Variants in ABLIM2 observed in about 807,000 individuals in gnomAD.
The protein encoded by ABLIM2 is actin-binding LIM protein 2.
In ABLIM2, 53 loss-of-function variants were observed where a neutral mutation model predicts 97.7. That is an observed-to-expected ratio of 0.54 (90% CI 0.44 to 0.68). The LOEUF (loss-of-function observed/expected upper bound fraction) is 0.68. ABLIM2 is among the 30% of genes least tolerant of loss of function. The pLI is 0.00. For synonymous variants in ABLIM2, 361 were observed against 345.8 expected (o/e 1.04, Z -0.49); for missense variants, 835 against 867.2 (o/e 0.96, Z 0.47).
In ABLIM2 at chr4:8,005,241, T is replaced by A; in HGVS notation, c.1618+2818A>T. 2.0e-6 allele frequency: 1 copy of A among 504,560 alleles called. No homozygotes were observed. 31.3% of individuals were successfully genotyped at this position (504,560 alleles called of 1,614,324 possible). ...CCTCTCTCAGCTCCCTGCACGCTTCTCCAGGTCAGGGGCTGCTCTTGTCTT... is the reference window on the plus strand; with the variant it reads ...CCTCTCTCAGCTCCCTGCACGCTTCACCAGGTCAGGGGCTGCTCTTGTCTT... On this transcript the variant is annotated intron_variant, in intron 16 of 20. Transcript: ENST00000447017. The surrounding 1 kb of genome is among the most constrained non-coding windows in gnomAD (Gnocchi z 4.9).
chr4:8,042,968 T>G (rs1789724300), intron 9 of ABLIM2, among the ~76,000 whole-genome samples: 2 of 150,734 alleles, frequency 1.3e-5, no homozygotes, highest in South Asian at 4.2e-4. Flanking sequence ...CCGGGCAACA[T>G]AAAAAGACCT....
Position 8,069,511 on chromosome 4 carries a change from C to T in ABLIM2, c.675+8117G>A, listed in dbSNP as rs192432289. On this transcript the variant is annotated intron_variant, in intron 6 of 20. Coordinates refer to ENST00000447017, the MANE Select transcript of ABLIM2 (RefSeq NM_001130083.2). This position sits in a 1 kb window ranked among gnomAD's most constrained non-coding sequence, Gnocchi z 4.2. ...AGGACCAGGGGCTCTGATGCGCTGC[C>T]GGCATGAGGCAAGGCAGGAAGGCAG... is the stretch of plus-strand genomic sequence containing the variant. Among the ~76,000 whole-genome samples, 10 of 152,246 alleles carry T rather than the reference C, an allele frequency of 6.6e-5. No homozygotes were observed. The highest frequency in any genetic ancestry group is 1.3e-4 in the Non-Finnish European group (9 of 68,016).
rs7699704 is a variant in ABLIM2 at position 7,978,912 on chromosome 4, C to T, written c.1824+4352G>A. On this transcript the variant is annotated intron_variant, in intron 20 of 20. Coordinates refer to ENST00000447017, the MANE Select transcript of ABLIM2 (RefSeq NM_001130083.2). ...TAGGCAGAGGCTACCCAAGAGAGGT[C>T]TTGAGGATGAGACGGCAGGGGCGCC... Among the ~76,000 whole-genome samples, 656 of 152,290 alleles carry T rather than the reference C, an allele frequency of 4.3e-3. 2 individuals are homozygous for T. The highest frequency in any genetic ancestry group is 0.015 in the African/African-American group (629 of 41,574).
chr4:7,987,682 G>T (rs1745487678), intron 17 of ABLIM2, among the ~76,000 whole-genome samples: 1 of 152,174 alleles, frequency 6.6e-6, no homozygotes, highest in South Asian at 2.1e-4. Flanking sequence ...GCTTCCTTTG[G>T]TATTCCAGGA....
chr4:8,013,069 A>G (rs1457382598), intron 14 of ABLIM2, among the ~76,000 whole-genome samples: 1 of 152,154 alleles, frequency 6.6e-6, no homozygotes, highest in African/African-American at 2.4e-5. Flanking sequence ...GCAGAGGTGG[A>G]TGAGAGGGTT....
intron 5 of ABLIM2, among the ~76,000 whole-genome samples, chr4:8,079,614 G>C (rs1818460435): frequency 1.3e-5 from 2 of 152,126 alleles, no homozygotes; most frequent in Admixed American, 1.3e-4. Context: ...ATACAGAGAG[G>C]TCCCATGTAC....
At chr4:8,038,230 A>G (rs1379259462) in intron 9 of ABLIM2, among the ~76,000 whole-genome samples, 1 of 152,168 alleles carries the variant, frequency 6.6e-6, no homozygotes, top group Non-Finnish European at 1.5e-5. Context: ...GAGCCCAGAG[A>G]GGTTGGGTAA....
chr4:8,032,019 G>T lies in ABLIM2; in HGVS notation c.1048-2243C>A, dbSNP rs1004280283. ...TGGGATTACAGGTGTGAGCCACCAC[G>T]CCCAGCCTATGAAATGTTTACAATG... On this transcript the variant is annotated intron_variant, in intron 10 of 20. Transcript: ENST00000447017. This position sits in a 1 kb window ranked among gnomAD's most constrained non-coding sequence, Gnocchi z 4.3. 1.3e-5 allele frequency among the ~76,000 whole-genome samples: 2 copies of T among 151,906 alleles called. No individual in the cohort carries two copies. Among genetic ancestry groups the T allele is most frequent in the Non-Finnish European group, 2.9e-5 (2 of 67,994 alleles).
At chr4:8,151,303 A>G (rs538647849) in intron 1 of ABLIM2, among the ~76,000 whole-genome samples, 22 of 152,260 alleles carry the variant, frequency 1.4e-4, no homozygotes, top group African/African-American at 5.3e-4. Flanking sequence ...GTAGGCCTGG[A>G]AGCTGCTGAT....
chr4:7,987,614 C>G (rs1436178170), intron 17 of ABLIM2, among the ~76,000 whole-genome samples: 1 of 152,242 alleles, frequency 6.6e-6, no homozygotes, highest in East Asian at 1.9e-4. Flanking sequence ...TTCCAAAACT[C>G]GCAGGGCACC....
At position 8,029,760 on chromosome 4, in the gene ABLIM2, C is replaced by T. The variant is rs111255429; in HGVS notation, c.1064G>A (p.Arg355Gln). ...QSYGEGDQDD[R>Q]SYKQCRTSSP... ...GGAGGTCCGACACTGCTTGTAGGACCGGTCATCCTGATCCCCCTGGGAGGG... is the reference window on the plus strand; with the variant it reads ...GGAGGTCCGACACTGCTTGTAGGACTGGTCATCCTGATCCCCCTGGGAGGG... Residue 355 changes from arginine (R) to glutamine (Q), a missense_variant, in exon 11 of 21, where the codon CGG (arginine) becomes CAG (glutamine). Transcript: ENST00000447017. 12 of 1,568,710 alleles carry T rather than the reference C, an allele frequency of 7.6e-6. No individual in the cohort carries two copies. The highest frequency in any genetic ancestry group is 1.7e-4 in the Middle Eastern group (1 of 6,028).
intron 6 of ABLIM2, among the ~76,000 whole-genome samples, chr4:8,073,968 T>G (rs1345164638): frequency 6.6e-6 from 1 of 151,556 alleles, no homozygotes; most frequent in African/African-American, 2.4e-5. Context: ...ACGCCTGTAA[T>G]CCCAGCTACT....
chr4:8,055,462 C>T (rs1182821097), intron 7 of ABLIM2, among the ~76,000 whole-genome samples: 1 of 152,150 alleles, frequency 6.6e-6, no homozygotes, highest in East Asian at 1.9e-4. Context: ...CCAGCCTGAC[C>T]CGCCACTCCC....
intron 17 of ABLIM2, among the ~76,000 whole-genome samples, chr4:7,988,093 G>A (rs939970758): frequency 2.6e-5 from 4 of 151,768 alleles, no homozygotes; most frequent in African/African-American, 2.4e-5. Context: ...GTGTGATCTC[G>A]GCTCACTGCA....
intron 20 of ABLIM2, among the ~76,000 whole-genome samples, chr4:7,975,132 C>A (rs1344407495): frequency 6.6e-6 from 1 of 152,182 alleles, no homozygotes; most frequent in Non-Finnish European, 1.5e-5. Context: ...GTGAGAGGAT[C>A]ACTTAAGCTC....
Position 8,083,311 on chromosome 4 carries a change from T to C in ABLIM2, c.455-2509A>G, listed in dbSNP as rs1052381446. 3.3e-5 allele frequency among the ~76,000 whole-genome samples: 5 copies of C among 152,208 alleles called. No homozygotes were observed. The highest frequency in any genetic ancestry group is 6.5e-5 in the Admixed American group (1 of 15,282). ...TCTGTGCCCCTGGAATGAGGGCACG[T>C]GTGATCCGTGAATAAATGCACACAC... On this transcript the variant is annotated intron_variant, in intron 4 of 20. Coordinates refer to ENST00000447017, the MANE Select transcript of ABLIM2 (RefSeq NM_001130083.2). The surrounding 1 kb of genome is among the most constrained non-coding windows in gnomAD (Gnocchi z 4.6).
At position 8,115,110 on chromosome 4, in the gene ABLIM2, C is replaced by A. The variant is rs567334985; in HGVS notation, c.11-8473G>T. Among the ~76,000 whole-genome samples the A allele has an allele frequency of 5.9e-5, 9 of 152,288 alleles. No individual in the cohort carries two copies. The South Asian group carries it at 1.9e-3, about 32-fold the overall frequency. ...TCTGCTTTGGGGTCCTGAGGATGGA[C>A]GCAGGGCTTGTGTGCAGATGTGTGC... On this transcript the variant is annotated intron_variant, in intron 1 of 20. Coordinates refer to ENST00000447017, the MANE Select transcript of ABLIM2 (RefSeq NM_001130083.2).
intron 9 of ABLIM2, among the ~76,000 whole-genome samples, chr4:8,038,959 C>G (rs1666789646): frequency 6.6e-6 from 1 of 152,132 alleles, no homozygotes; most frequent in African/African-American, 2.4e-5. Flanking sequence ...TGTGCCCCTC[C>G]CACACCTCTT....
chr4:8,020,955 C>G (rs910129925), intron 12 of ABLIM2: 10 of 150,266 alleles, frequency 6.7e-5, no homozygotes, highest in Non-Finnish European at 1.5e-4. Flanking sequence ...CTTCTGGGCT[C>G]AAGCCATCCT....
Sources: allele counts gnomAD v4.1 joint callset (sites outside exome capture counted in the v4.1 genomes callset), GRCh38; gene constraint gnomAD v4.1.1; non-coding constraint Gnocchi (gnomAD v3.1); transcripts MANE v1.5; gene names NCBI Gene and HGNC (gene_info 2026-07-23, HGNC 2026-07-21).